The following CAPNS1 variants were observed in gnomAD, a reference collection of about 807,000 sequenced individuals.
CAPNS1 encodes the protein CANP small subunit.
In CAPNS1, 32 loss-of-function variants were observed where a neutral mutation model predicts 39.2. The observed-to-expected ratio is 0.82, with a 90% confidence interval of 0.62 to 1.10. CAPNS1 has a LOEUF of 1.10. CAPNS1 is among the 50% of genes least tolerant of loss of function. CAPNS1 has a pLI of 0.00. For missense variants in CAPNS1, 353 were observed against 373.1 expected, an observed-to-expected ratio of 0.95 and a Z score of 0.44; for synonymous variants, 153 against 136.2, an observed-to-expected ratio of 1.12 and a Z score of -0.86.
intron 2 of CAPNS1, chr19:36,141,814 G>A: frequency 4.8e-6 from 1 of 206,316 alleles, no homozygotes; most frequent in Non-Finnish European, 9.8e-6. Flanking sequence ...CCCTTGAAGG[G>A]GCGGGGACCA....
Position 36,141,354 on chromosome 19 carries a change from G to A in CAPNS1, c.209+134G>A, listed in dbSNP as rs112560953. ...CTAACCTGGGTACATGAATTAGGCC[G>A]GGGAGGCCTGGTTTGAGAGTTCTGC... On this transcript the variant is annotated intron_variant, in intron 2 of 10. Coordinates refer to ENST00000246533, the MANE Select transcript of CAPNS1 (RefSeq NM_001749.4). 2,613 of 1,365,454 alleles carry A rather than the reference G, an allele frequency of 1.9e-3. 9 individuals carry two copies. Among genetic ancestry groups the A allele is most frequent in the Non-Finnish European group, 2.3e-3 (2,478 of 1,059,928 alleles). The allele number at this position is 1,365,454 out of a possible 1,614,324, so 84.6% of individuals were successfully genotyped here. A position where few individuals can be genotyped will look rare whatever the true frequency, so the allele number is the denominator to read the frequency against.
rs565273990 is a variant in CAPNS1, at chr19:36,142,438, T to A, written c.243+105T>A. The A allele has an allele frequency of 6.1e-5, 43 of 709,002 alleles. No homozygotes were observed. In the South Asian group the frequency reaches 6.2e-4, roughly 10 times the overall value. The allele number at this position is 709,002 out of a possible 1,614,324, so 43.9% of individuals were successfully genotyped here. On this transcript the variant is annotated intron_variant, in intron 3 of 10. Coordinates refer to ENST00000246533, the MANE Select transcript of CAPNS1 (RefSeq NM_001749.4). ...CCACCTTCCTCCCCTTCTTGTGAAA[T>A]TCCTCTGCCAGTTCCTCCCATGCCG...
Position 36,149,955 on chromosome 19 carries a change from C to T in CAPNS1, c.*116C>T. The T allele has an allele frequency of 4.9e-6, 5 of 1,021,860 alleles. No individual in the cohort carries two copies. The highest frequency in any genetic ancestry group is 6.7e-6 in the Non-Finnish European group (5 of 750,816). 63.3% of individuals were successfully genotyped at this position (1,021,860 alleles called of 1,614,324 possible). On this transcript the variant is annotated 3_prime_UTR_variant, in exon 11 of 11. Transcript: ENST00000246533. ...CATCTTTGTGGGGCCTGCTGACCCA[C>T]AAGCTTTTGTTCTCTCAGTACTTGT...
intron 9 of CAPNS1, among the ~76,000 whole-genome samples, chr19:36,147,541 C>T (rs779866553): frequency 7.2e-5 from 11 of 152,092 alleles, no homozygotes; most frequent in East Asian, 1.9e-4. Context: ...CCGAGGAGGG[C>T]GGATCACGAG....
intron 9 of CAPNS1, among the ~76,000 whole-genome samples, chr19:36,147,632 G>A (rs572239806): frequency 6.6e-6 from 1 of 152,306 alleles, no homozygotes; most frequent in African/African-American, 2.4e-5. Context: ...CAGGTGTGGT[G>A]GCGGGCGCCT....
Position 36,149,562 on chromosome 19 carries a change from G to A in CAPNS1, c.722-16G>A, listed in dbSNP as rs931396263. ...CTTCCTTCCCTGCCGCCAAACCTCT[G>A]CATCTCCTCCTCCAGGTGCCTTCAA... On this transcript the variant is annotated splice_polypyrimidine_tract_variant and intron_variant, in intron 9 of 10. Coordinates refer to ENST00000246533, the MANE Select transcript of CAPNS1 (RefSeq NM_001749.4). 6.8e-7 allele frequency: 1 copy of A among 1,465,126 alleles called. No homozygotes were observed. Among genetic ancestry groups the A allele is most frequent in the Non-Finnish European group, 9.0e-7 (1 of 1,105,140 alleles). 90.8% of individuals were successfully genotyped at this position (1,465,126 alleles called of 1,614,324 possible).
chr19:36,150,028 C>T lies in CAPNS1; in HGVS notation c.*189C>T, dbSNP rs773804417. ...GGCCCAATTTGCCCTGCCTGGAGTT[C>T]CCCCTGGCTCTAGGACACTCTAACA... On this transcript the variant is annotated 3_prime_UTR_variant, in exon 11 of 11. Coordinates refer to ENST00000246533, the MANE Select transcript of CAPNS1 (RefSeq NM_001749.4). 1.3e-4 allele frequency: 64 copies of T among 475,790 alleles called. No individual in the cohort carries two copies. The highest frequency in any genetic ancestry group is 2.1e-4 in the Non-Finnish European group (59 of 283,274). 29.5% of individuals were successfully genotyped at this position (475,790 alleles called of 1,614,324 possible).
chr19:36,141,076 G>A lies in CAPNS1; in HGVS notation c.65G>A (p.Gly22Asp). Reference sequence around the variant, plus strand: ...GGCGGCGGGGGAGGCGGGGGCCTGGGTGGGGGCCTGGGAAATGTGCTTGGA... The same window carrying A: ...GGCGGCGGGGGAGGCGGGGGCCTGGATGGGGGCCTGGGAAATGTGCTTGGA... ...GGGGGGGGGLGGGLGNVLGGL... is the reference protein window; with the variant it reads ...GGGGGGGGGLDGGLGNVLGGL... The change falls in exon 2 of 11, where the codon GGT becomes GAT. Residue 22 changes from glycine (G) to aspartate (D), a missense_variant. Gly to Asp is a moderately conservative substitution (Grantham distance 94). Coordinates refer to ENST00000246533, the MANE Select transcript of CAPNS1 (RefSeq NM_001749.4). The A allele has an allele frequency of 6.7e-7, 1 of 1,497,942 alleles. No homozygotes were observed. 92.8% of individuals were successfully genotyped at this position (1,497,942 alleles called of 1,614,324 possible).
chr19:36,149,984 C>G lies in CAPNS1; in HGVS notation c.*145C>G, dbSNP rs1183001896. ...CTTTTGTTCTCTCAGTACTTGTTACCCAGCTTCTCAACATCCAGGGCCCAA... is the reference window on the plus strand; with the variant it reads ...CTTTTGTTCTCTCAGTACTTGTTACGCAGCTTCTCAACATCCAGGGCCCAA... On this transcript the variant is annotated 3_prime_UTR_variant, in exon 11 of 11. Transcript: ENST00000246533. The G allele has an allele frequency of 1.3e-6, 1 of 746,824 alleles. No homozygotes were observed. The highest frequency in any genetic ancestry group is 1.9e-6 in the Non-Finnish European group (1 of 520,812). The allele number at this position is 746,824 out of a possible 1,614,324, so 46.3% of individuals were successfully genotyped here.
rs770936240 is a variant in CAPNS1 at position 36,141,053 on chromosome 19, CGGCGGGGGA to C, written c.51_59del (p.Gly18_Gly20del). 1.8e-5 allele frequency: 15 copies of C among 818,020 alleles called. No homozygotes were observed. Among genetic ancestry groups the C allele is most frequent in the East Asian group, 1.6e-4 (3 of 18,774 alleles). 50.7% of individuals were successfully genotyped at this position (818,020 alleles called of 1,614,324 possible). Reference sequence around the variant, plus strand: ...CGTTCTTGAAGGGCGGCGGCGGCGGCGGCGGGGGAGGCGGGGGCCTGGGTGGGGGCCTGG... The same window carrying C: ...CGTTCTTGAAGGGCGGCGGCGGCGGCGGCGGGGGCCTGGGTGGGGGCCTGG... On this transcript the variant is annotated inframe_deletion, in exon 2 of 11. Coordinates refer to ENST00000246533, the MANE Select transcript of CAPNS1 (RefSeq NM_001749.4).
intron 9 of CAPNS1, chr19:36,148,138 A>C (rs1412428803): frequency 6.6e-6 from 1 of 152,166 alleles, no homozygotes; most frequent in African/African-American, 2.4e-5. Context: ...ATGCATGAAA[A>C]GTAACAGAGG....
rs574159930 is a variant in CAPNS1, at chr19:36,145,111, A to G, written c.457-695A>G. Among the ~76,000 whole-genome samples the G allele has an allele frequency of 3.9e-5, 6 of 152,088 alleles. No homozygotes were observed. In the South Asian group the frequency reaches 1.2e-3, roughly 32 times the overall value. Reference sequence around the variant, plus strand: ...TTCCCAAAGTGCTGGGATTACAGGCATGAACCACCATGCCTGGTCACACAC... The same window carrying G: ...TTCCCAAAGTGCTGGGATTACAGGCGTGAACCACCATGCCTGGTCACACAC... On this transcript the variant is annotated intron_variant, in intron 6 of 10. Transcript: ENST00000246533.
chr19:36,148,079 CAA>C (rs964061611), intron 9 of CAPNS1: 8 of 80,876 alleles, frequency 9.9e-5, no homozygotes, highest in Admixed American at 1.4e-4. Context: ...GATTCCATCT[CAA>C]AAAAAAAAAA....
intron 2 of CAPNS1, chr19:36,141,823 C>A (rs889667901): frequency 9.8e-6 from 2 of 204,446 alleles, no homozygotes; most frequent in South Asian, 6.7e-5. Context: ...GGGCGGGGAC[C>A]AATGGCTGGG....
intron 6 of CAPNS1, chr19:36,145,483 C>T (rs1024364925): frequency 6.0e-5 from 14 of 234,612 alleles, no homozygotes; most frequent in Non-Finnish European, 1.0e-4. Flanking sequence ...GGATTGCAGG[C>T]GGGAGCCACC....
intron 3 of CAPNS1, 56 bp downstream of exon 3, chr19:36,142,389 C>T: frequency 2.3e-6 from 2 of 885,804 alleles, no homozygotes; most frequent in Non-Finnish European, 3.6e-6. Context: ...TTCGAGGTCC[C>T]ATCCCTGTTC....
chr19:36,149,299 C>G (rs773320822), intron 9 of CAPNS1, among the ~76,000 whole-genome samples: 1 of 152,152 alleles, frequency 6.6e-6, no homozygotes, highest in African/African-American at 2.4e-5. Flanking sequence ...CTGGGCGGCT[C>G]AAGTGATCCT....
At chr19:36,147,542 G>A (rs573728281) in intron 9 of CAPNS1, among the ~76,000 whole-genome samples, 47 of 152,264 alleles carry the variant, frequency 3.1e-4, no homozygotes, top group Middle Eastern at 6.8e-3. Context: ...CGAGGAGGGC[G>A]GATCACGAGG....
In CAPNS1 at chr19:36,142,156, G is replaced by A. The variant is rs1236652189; in HGVS notation, c.210-144G>A. On this transcript the variant is annotated intron_variant, in intron 2 of 10. Transcript: ENST00000246533. ...CAGGGCAGTGTGGATTGGGACAGAT[G>A]AGGACAAGAACAAATGAAAGGCACA... is the stretch of plus-strand genomic sequence containing the variant. 1.5e-5 allele frequency: 11 copies of A among 746,366 alleles called. No individual in the cohort carries two copies. In the Admixed American group the frequency reaches 1.9e-4, roughly 13 times the overall value. 46.2% of individuals were successfully genotyped at this position (746,366 alleles called of 1,614,324 possible).
Sources: allele counts gnomAD v4.1 joint callset (sites outside exome capture counted in the v4.1 genomes callset), GRCh38; gene constraint gnomAD v4.1.1; transcripts MANE v1.5; gene names NCBI Gene and HGNC (gene_info 2026-07-23, HGNC 2026-07-21).